The following OOSP3 variants were observed in gnomAD, a reference collection of about 807,000 sequenced individuals.
The protein encoded by OOSP3 is oocyte-secreted protein 3.
rs1376817084 is a variant in OOSP3, at chr11:59,884,493, C to G, written c.252+4054C>G. On this transcript the variant is annotated intron_variant, in intron 2 of 4. Transcript: ENST00000646438. Reference sequence around the variant, plus strand: ...TCTGTCTGTCTCTCTCTCTCTCTCTCTCTCTCTCTCTCTCTCTCTCTCTCT... The same window carrying G: ...TCTGTCTGTCTCTCTCTCTCTCTCTGTCTCTCTCTCTCTCTCTCTCTCTCT... Among the ~76,000 whole-genome samples the G allele has an allele frequency of 6.5e-4, 96 of 146,588 alleles. 2 individuals are homozygous for G. In the South Asian group the frequency reaches 0.012, roughly 18 times the overall value.
At position 59,891,151 on chromosome 11, in the gene OOSP3, G is replaced by T. The variant is rs1853308498; in HGVS notation, c.253-2928G>T. 5.3e-5 allele frequency among the ~76,000 whole-genome samples: 8 copies of T among 152,128 alleles called. No homozygotes were observed. The South Asian group carries it at 1.4e-3, about 28-fold the overall frequency. On this transcript the variant is annotated intron_variant, in intron 2 of 4. Transcript: ENST00000646438. The stretch of plus-strand genomic sequence containing the variant: ...GGTCATTATGTTTCTCTCTAAACTG[G>T]TTATTCTAGTTAACAGCTCTTGTAA...
At chr11:59,883,199 A>G (rs1779126092) in intron 2 of OOSP3, among the ~76,000 whole-genome samples, 1 of 152,150 alleles carries the variant, frequency 6.6e-6, no homozygotes, top group Non-Finnish European at 1.5e-5. Context: ...CAAAGTTAAT[A>G]ATTTATTTGT....
chr11:59,880,656 T>C (rs1853190556), intron 2 of OOSP3, among the ~76,000 whole-genome samples: 2 of 152,198 alleles, frequency 1.3e-5, no homozygotes, highest in African/African-American at 2.4e-5. Flanking sequence ...TATATAGTAG[T>C]ATAACTATCC....
At chr11:59,889,733 A>AGT (rs147679027) in intron 2 of OOSP3, among the ~76,000 whole-genome samples, 6,292 of 151,854 alleles carry the variant, frequency 0.041, 413 homozygotes, top group African/African-American at 0.14. Context: ...TTTTAGAGTA[A>AGT]GTTATGTGGC....
At chr11:59,891,010 T>C (rs541793190) in intron 2 of OOSP3, among the ~76,000 whole-genome samples, 3 of 152,210 alleles carry the variant, frequency 2.0e-5, no homozygotes, top group Non-Finnish European at 2.9e-5. Flanking sequence ...CTGCTTGCCT[T>C]ATTTCACAAT....
chr11:59,889,772 T>G (rs1353620680), intron 2 of OOSP3, among the ~76,000 whole-genome samples: 1 of 152,028 alleles, frequency 6.6e-6, no homozygotes, highest in Non-Finnish European at 1.5e-5. Context: ...TCTGTTGTTT[T>G]GGGGTGTAGA....
chr11:59,894,011 C>G lies in OOSP3; in HGVS notation c.253-68C>G, dbSNP rs576902503. The G allele has an allele frequency of 5.5e-5, 22 of 397,636 alleles. No homozygotes were observed. In the South Asian group the frequency reaches 2.4e-3, roughly 43 times the overall value. The allele number at this position is 397,636 out of a possible 1,614,324, so 24.6% of individuals were successfully genotyped here. The stretch of plus-strand genomic sequence containing the variant: ...CTTACATCTTATCTTGATCTGTTCA[C>G]TGTTCAAATGTCTTTAAAACTCCTG... On this transcript the variant is annotated intron_variant, in intron 2 of 4. Transcript: ENST00000646438.
At chr11:59,886,517 G>A (rs1565219330) in intron 2 of OOSP3, among the ~76,000 whole-genome samples, 1 of 151,652 alleles carries the variant, frequency 6.6e-6, no homozygotes, top group East Asian at 1.9e-4. Flanking sequence ...ATTTCCAGTT[G>A]TAAATCTTTG....
rs988115386 is a variant in OOSP3 at position 59,891,236 on chromosome 11, C to T, written c.253-2843C>T. 7.9e-5 allele frequency among the ~76,000 whole-genome samples: 12 copies of T among 152,212 alleles called. No homozygotes were observed. In the South Asian group the frequency reaches 1.2e-3, roughly 16 times the overall value. On this transcript the variant is annotated intron_variant, in intron 2 of 4. Coordinates refer to ENST00000646438, the Ensembl canonical transcript of OOSP3. ...GTTAGAACATAATCTTTTAGCTCAG[C>T]GAAGTTCATTATTACCCACTTTCTG...
At chr11:59,884,475 G>GTCTGTCTGTCTC (rs1293196028) in intron 2 of OOSP3, among the ~76,000 whole-genome samples, 30 of 113,872 alleles carry the variant, frequency 2.6e-4, no homozygotes, top group African/African-American at 9.6e-4. Flanking sequence ...CTGTCTGTCT[G>GTCTGTCTGTCTC]TCTCTCTCTC....
rs117670092 is a variant in OOSP3 at position 59,895,184 on chromosome 11, C to T, written c.351-318C>T. Among the ~76,000 whole-genome samples the T allele has an allele frequency of 8.6e-5, 13 of 151,642 alleles. No individual in the cohort carries two copies. In the East Asian group the frequency reaches 2.1e-3, roughly 25 times the overall value. The stretch of plus-strand genomic sequence containing the variant: ...TATGAATGACAACTTTTAAAACAGC[C>T]AGGATTCTCAGTTTATACTTGTAAG... On this transcript the variant is annotated intron_variant, in intron 3 of 4. Transcript: ENST00000646438.
At chr11:59,878,930 G>A (rs190156248) in intron 1 of OOSP3, 49 bp downstream of exon 1, 104 of 398,214 alleles carry the variant, frequency 2.6e-4, no homozygotes, top group East Asian at 9.6e-4. Context: ...GTTTCTTAGC[G>A]GTTGTGGGCC....
chr11:59,879,700 G>C (rs950088041), intron 1 of OOSP3, among the ~76,000 whole-genome samples: 1 of 152,186 alleles, frequency 6.6e-6, no homozygotes, highest in Non-Finnish European at 1.5e-5. Flanking sequence ...GTTTTAATCT[G>C]AGACTATCTT....
At chr11:59,885,579 T>C (rs879414155) in intron 2 of OOSP3, among the ~76,000 whole-genome samples, 1 of 152,228 alleles carries the variant, frequency 6.6e-6, no homozygotes, top group Admixed American at 6.5e-5. Context: ...TATTTGATTT[T>C]CTGTTCCTGC....
chr11:59,886,638 C>T (rs1022937056), intron 2 of OOSP3, among the ~76,000 whole-genome samples: 1 of 152,152 alleles, frequency 6.6e-6, no homozygotes, highest in Admixed American at 6.5e-5. Context: ...TGTTTCTTGA[C>T]TTTTTAATAA....
chr11:59,885,515 A>C (rs116529555), intron 2 of OOSP3, among the ~76,000 whole-genome samples: 1 of 151,880 alleles, frequency 6.6e-6, no homozygotes. Flanking sequence ...GTTGTCCCCC[A>C]TGTGTCCATG....
intron 2 of OOSP3, among the ~76,000 whole-genome samples, chr11:59,890,673 T>C (rs1853303383): frequency 1.3e-5 from 2 of 152,228 alleles, no homozygotes; most frequent in African/African-American, 4.8e-5. Flanking sequence ...CTTACCTTTG[T>C]AGGTTACCTG....
intron 2 of OOSP3, among the ~76,000 whole-genome samples, chr11:59,884,049 A>G (rs973688928): frequency 6.6e-6 from 1 of 152,172 alleles, no homozygotes; most frequent in East Asian, 1.9e-4. Context: ...TTTCAAATAT[A>G]AAACATTTCT....
rs183812735 is a variant in OOSP3, at chr11:59,890,605, C to T, written c.253-3474C>T. 1.2e-3 allele frequency among the ~76,000 whole-genome samples: 186 copies of T among 152,262 alleles called. 1 individual carries two copies. Among genetic ancestry groups the T allele is most frequent in the African/African-American group, 4.2e-3 (173 of 41,554 alleles). ...TCTTTAAAAATGTTGAACATTGGCT[C>T]CCAATCTCTTTTGGCTTATAGGGTT... On this transcript the variant is annotated intron_variant, in intron 2 of 4. Coordinates refer to ENST00000646438, the Ensembl canonical transcript of OOSP3.
Sources: allele counts gnomAD v4.1 joint callset (sites outside exome capture counted in the v4.1 genomes callset), GRCh38; gene constraint gnomAD v4.1.1; transcripts MANE v1.5; gene names NCBI Gene and HGNC (gene_info 2026-07-23, HGNC 2026-07-21).